Variants in ARHGAP6 observed in about 807,000 individuals in gnomAD.
The protein encoded by ARHGAP6 is Rho GTPase activating protein 6.
A neutral mutation model predicts 55.7 loss-of-function variants in ARHGAP6; 16 were observed. The observed-to-expected ratio is 0.29, with a 90% CI of 0.19 to 0.44. The LOEUF (loss-of-function observed/expected upper bound fraction) is 0.44. ARHGAP6 is among the 20% of genes least tolerant of loss of function. The probability of loss-of-function intolerance (pLI) is 1.00; values close to 1 mark genes in which losing one functional copy is unlikely to be tolerated. For missense variants in ARHGAP6, 698 were observed against 808.9 expected (o/e 0.86, Z 1.66); for synonymous variants, 382 against 360.9 (o/e 1.06, Z -0.66).
intron 1 of ARHGAP6, among the ~76,000 whole-genome samples, chrX:11,648,169 C>T (rs1408362207): frequency 1.8e-5 from 2 of 111,757 alleles, no homozygotes; most frequent in Non-Finnish European, 3.8e-5. Flanking sequence ...AATGTTATCT[C>T]CACAAATAAT....
At chrX:11,392,623 T>C (rs887143678) in intron 1 of ARHGAP6, among the ~76,000 whole-genome samples, 1 of 111,829 alleles carries the variant, frequency 8.9e-6, no homozygotes, top group African/African-American at 3.2e-5. Context: ...GATTGTCTCA[T>C]TTGATGCCTA....
intron 1 of ARHGAP6, among the ~76,000 whole-genome samples, chrX:11,459,432 T>C (rs1262799711): frequency 8.9e-6 from 1 of 111,830 alleles, no homozygotes; most frequent in African/African-American, 3.2e-5. Context: ...TGTACCATAC[T>C]GCCTTTATTT....
chrX:11,325,015 C>T (rs922837892), intron 1 of ARHGAP6, among the ~76,000 whole-genome samples: 5 of 110,799 alleles, frequency 4.5e-5, no homozygotes, highest in Admixed American at 3.8e-4. Context: ...CCCGCCACCG[C>T]GCCCGGCTAA....
At chrX:11,201,584 C>T (rs1407086682) in intron 2 of ARHGAP6, among the ~76,000 whole-genome samples, 5 of 111,411 alleles carry the variant, frequency 4.5e-5, no homozygotes, top group East Asian at 5.6e-4. Context: ...TACCCGGACT[C>T]GGTGATTTAT....
intron 1 of ARHGAP6, among the ~76,000 whole-genome samples, chrX:11,584,263 C>A (rs904763945): frequency 8.9e-6 from 1 of 112,004 alleles, no homozygotes; most frequent in African/African-American, 3.2e-5. Flanking sequence ...AATCTGTAAA[C>A]TACTAAGAAA....
chrX:11,618,540 C>T (rs2052193378), intron 1 of ARHGAP6, among the ~76,000 whole-genome samples: 1 of 111,933 alleles, frequency 8.9e-6, no homozygotes, highest in Admixed American at 9.4e-5. Flanking sequence ...AATGCATTCC[C>T]TAAAACTGCT....
chrX:11,300,220 C>T (rs1459730952), intron 1 of ARHGAP6, among the ~76,000 whole-genome samples: 2 of 111,614 alleles, frequency 1.8e-5, no homozygotes, highest in Admixed American at 1.9e-4. Flanking sequence ...TGACTTTGGG[C>T]AGATAGTTTG....
chrX:11,613,684 A>G (rs2052129459), intron 1 of ARHGAP6, among the ~76,000 whole-genome samples: 1 of 112,221 alleles, frequency 8.9e-6, no homozygotes, highest in South Asian at 3.7e-4. Flanking sequence ...TCTTTTGAGT[A>G]TCAATCCCAT....
At chrX:11,303,230 G>C (rs1474018392) in intron 1 of ARHGAP6, among the ~76,000 whole-genome samples, 1 of 112,512 alleles carries the variant, frequency 8.9e-6, no homozygotes, top group Non-Finnish European at 1.9e-5. Flanking sequence ...ACTTATTTTT[G>C]TGATTTGGCT....
At chrX:11,561,430 T>C (rs1437401080) in intron 1 of ARHGAP6, among the ~76,000 whole-genome samples, 3 of 111,893 alleles carry the variant, frequency 2.7e-5, no homozygotes, top group Non-Finnish European at 3.8e-5. Context: ...TGCTTATAAA[T>C]GCATACAATA....
intron 1 of ARHGAP6, among the ~76,000 whole-genome samples, chrX:11,661,242 C>T (rs2052700140): frequency 8.9e-6 from 1 of 112,352 alleles, no homozygotes; most frequent in South Asian, 3.7e-4. Context: ...AGCTTGGCTG[C>T]TAAGAACACA....
rs192321400 is a variant in ARHGAP6, at chrX:11,567,655, G to A, written c.588+96586C>T. On this transcript the variant is annotated intron_variant, in intron 1 of 12. Coordinates refer to ENST00000337414, the MANE Select transcript of ARHGAP6 (RefSeq NM_013427.3). The stretch of plus-strand genomic sequence containing the variant: ...TTGCCAAATCCCCATCCAACCAGCT[G>A]CTTGTTTTCTTTTCTTTTCTTTCTT... Among the ~76,000 whole-genome samples, 377 of 108,037 alleles carry A rather than the reference G, an allele frequency of 3.5e-3. 5 individuals are homozygous for A. The highest frequency in any genetic ancestry group is 0.033 in the Admixed American group (332 of 10,099). 93.8% of individuals were successfully genotyped at this position (108,037 alleles called of 115,157 possible).
chrX:11,226,400 A>T (rs766326718), intron 2 of ARHGAP6, among the ~76,000 whole-genome samples: 1 of 111,285 alleles, frequency 9.0e-6, no homozygotes, highest in East Asian at 2.8e-4. Flanking sequence ...ATTGGTGGAC[A>T]TTTGGGTTGG....
intron 10 of ARHGAP6, among the ~76,000 whole-genome samples, chrX:11,148,407 G>A (rs770019369): frequency 9.0e-6 from 1 of 111,385 alleles, no homozygotes; most frequent in East Asian, 2.9e-4. Context: ...GTTGACATAA[G>A]TTGGCATCCA....
At chrX:11,653,477 C>A (rs2052608218) in intron 1 of ARHGAP6, among the ~76,000 whole-genome samples, 1 of 112,727 alleles carries the variant, frequency 8.9e-6, no homozygotes, top group African/African-American at 3.2e-5. Context: ...TTCTGGCACA[C>A]ATAGTAGGTG....
intron 1 of ARHGAP6, among the ~76,000 whole-genome samples, chrX:11,344,431 G>A (rs1014626014): frequency 9.1e-6 from 1 of 110,144 alleles, no homozygotes; most frequent in Non-Finnish European, 1.9e-5. Flanking sequence ...ACAACACTTT[G>A]GGAGGCCGAG....
At chrX:11,448,147 A>G (rs73184359) in intron 1 of ARHGAP6, among the ~76,000 whole-genome samples, 201 of 112,513 alleles carry the variant, frequency 1.8e-3, no homozygotes, top group Admixed American at 3.2e-3. Context: ...TCATGCATCC[A>G]CTATAATTGT....
At chrX:11,540,286 A>C (rs920756123) in intron 1 of ARHGAP6, among the ~76,000 whole-genome samples, 1 of 110,177 alleles carries the variant, frequency 9.1e-6, no homozygotes, top group Non-Finnish European at 1.9e-5. Flanking sequence ...AAAAAAAAAA[A>C]ACCTCAACAA....
Position 11,340,636 on chromosome X carries a change from G to A in ARHGAP6, c.589-85929C>T, listed in dbSNP as rs1343930218. On this transcript the variant is annotated intron_variant, in intron 1 of 12. Transcript: ENST00000337414. ...CCCAGCTACTCGGGAGGCTGAGGCA[G>A]GAGAATGGCGTGAACCCGGGAAGCG... Among the ~76,000 whole-genome samples the A allele has an allele frequency of 1.9e-5, 2 of 107,648 alleles. 1 individual carries two copies. The highest frequency in any genetic ancestry group is 3.8e-5 in the Non-Finnish European group (2 of 52,066). 93.5% of individuals were successfully genotyped at this position (107,648 alleles called of 115,157 possible).
Sources: allele counts gnomAD v4.1 joint callset (sites outside exome capture counted in the v4.1 genomes callset), GRCh38; gene constraint gnomAD v4.1.1; transcripts MANE v1.5; gene names NCBI Gene and HGNC (gene_info 2026-07-23, HGNC 2026-07-21).